Variants in TBCE observed in about 807,000 individuals in gnomAD.
The protein encoded by TBCE is tubulin-specific chaperone E.
TBCE carries 53 observed loss-of-function variants against 77.0 expected under a neutral mutation model. The ratio of observed to expected loss-of-function variants is 0.69; its 90% confidence interval spans 0.55 to 0.87. The LOEUF (loss-of-function observed/expected upper bound fraction) is 0.87. Among genes scored for constraint, TBCE ranks in the 40% least tolerant of loss-of-function variants. TBCE has a pLI of 0.00. For synonymous variants in TBCE, 235 were observed against 241.3 expected (o/e 0.97, Z 0.24); for missense variants, 624 against 622.4 (o/e 1.00, Z -0.03).
At chr1:235,448,036 C>T (rs1572465589) in intron 15 of TBCE, among the ~76,000 whole-genome samples, 2 of 151,988 alleles carry the variant, frequency 1.3e-5, no homozygotes, top group Admixed American at 1.3e-4. Flanking sequence ...TGGTGAAACC[C>T]CGTCTCTACT....
chr1:235,397,936 AG>A (rs1678841649), intron 2 of TBCE, among the ~76,000 whole-genome samples: 1 of 152,094 alleles, frequency 6.6e-6, no homozygotes, highest in Admixed American at 6.6e-5. Context: ...CCAGGGGAAA[AG>A]CTTGCTAAAC....
At chr1:235,406,512 A>C (rs569728856) in intron 3 of TBCE, among the ~76,000 whole-genome samples, 40 of 152,324 alleles carry the variant, frequency 2.6e-4, no homozygotes, top group Non-Finnish European at 5.0e-4. Flanking sequence ...CAAAGAACAA[A>C]GAACAAAGAG....
chr1:235,445,205 CCT>C (rs370048957), intron 15 of TBCE, among the ~76,000 whole-genome samples: 27 of 151,908 alleles, frequency 1.8e-4, no homozygotes, highest in Admixed American at 5.2e-4. Flanking sequence ...CTTTTTTTCC[CCT>C]TTTTTATTTG....
chr1:235,411,889 T>C (rs1679800543), intron 3 of TBCE, among the ~76,000 whole-genome samples: 1 of 151,954 alleles, frequency 6.6e-6, no homozygotes, highest in Non-Finnish European at 1.5e-5. Context: ...GGGTAGGCTG[T>C]GCTCACTTGC....
chr1:235,403,614 A>G (rs753844698), intron 3 of TBCE, among the ~76,000 whole-genome samples: 5 of 152,162 alleles, frequency 3.3e-5, no homozygotes, highest in Non-Finnish European at 7.3e-5. Context: ...GGATACAGTG[A>G]TATTTTCAAA....
intron 1 of TBCE, among the ~76,000 whole-genome samples, chr1:235,370,535 G>A (rs779064172): frequency 2.0e-5 from 3 of 149,284 alleles, no homozygotes; most frequent in South Asian, 2.1e-4. Context: ...ACAGGCGTGA[G>A]CCACTGCACC....
At chr1:235,405,885 G>T (rs1393898385) in intron 3 of TBCE, among the ~76,000 whole-genome samples, 1 of 152,048 alleles carries the variant, frequency 6.6e-6, no homozygotes. Context: ...TAGGAGATAG[G>T]ATTTTTTCAG....
At chr1:235,434,604 T>C (rs535304439) in intron 8 of TBCE, among the ~76,000 whole-genome samples, 324 of 150,810 alleles carry the variant, frequency 2.1e-3, no homozygotes, top group African/African-American at 7.7e-3. Flanking sequence ...AGTGGCGATC[T>C]TGGCTCACTG....
At chr1:235,382,426 C>T (rs961899391) in intron 2 of TBCE, among the ~76,000 whole-genome samples, 1 of 152,138 alleles carries the variant, frequency 6.6e-6, no homozygotes, top group Admixed American at 6.6e-5. Flanking sequence ...TTGACAGTCC[C>T]ACCAACAGTG....
At position 235,374,626 on chromosome 1, in the gene TBCE, T is replaced by C. The variant is rs879482439; in HGVS notation, c.-31-5393T>C. Among the ~76,000 whole-genome samples the C allele has an allele frequency of 7.0e-5, 10 of 143,680 alleles. 2 individuals carry two copies. The highest frequency in any genetic ancestry group is 1.1e-4 in the African/African-American group (4 of 36,878). The allele number at this position is 143,680 out of a possible 152,430, so 94.3% of individuals were successfully genotyped here. ...AGTGATTCTCCTGCCTCAGCCTCCC[T>C]AGGAGCTGGGATTACAGGTATCCGC... is the stretch of plus-strand genomic sequence containing the variant. On this transcript the variant is annotated intron_variant, in intron 1 of 16. Coordinates refer to ENST00000642610, the MANE Select transcript of TBCE (RefSeq NM_003193.5).
chr1:235,422,086 A>G (rs552186180), intron 5 of TBCE, among the ~76,000 whole-genome samples: 3 of 152,332 alleles, frequency 2.0e-5, no homozygotes, highest in Admixed American at 1.3e-4. Context: ...ATATGAGGTC[A>G]TTTTCAAAAG....
rs909435482 is a variant in TBCE at position 235,431,353 on chromosome 1, A to G, written c.660+549A>G. Among the ~76,000 whole-genome samples the G allele has an allele frequency of 3.3e-5, 5 of 149,318 alleles. No homozygotes were observed. The South Asian group carries it at 1.0e-3, about 31-fold the overall frequency. ...TGTACTGACTTCACACACCCAGAGC[A>G]TTCCACTTTCTTTTTTTTTTTTTTT... is the stretch of plus-strand genomic sequence containing the variant. On this transcript the variant is annotated intron_variant, in intron 7 of 16. Transcript: ENST00000642610.
At position 235,435,811 on chromosome 1, in the gene TBCE, T is replaced by C; in HGVS notation, c.804T>C (p.Asn268=). 1.2e-6 allele frequency: 2 copies of C among 1,614,144 alleles called. No individual in the cohort carries two copies. The highest frequency in any genetic ancestry group is 1.7e-6 in the Non-Finnish European group (2 of 1,180,018). Residue 268 remains asparagine, a synonymous_variant, in exon 9 of 17, where the codon AAT becomes AAC. Transcript: ENST00000642610. The part of the protein sequence containing the change: ...DLSSNQLIDE[N]QLYLIAHLPR... ...CCTCTAATCAATTAATTGATGAAAA[T>C]CAGCTGTATCTGATAGCCCACCTGC...
chr1:235,383,995 A>T (rs1358453845), intron 2 of TBCE, among the ~76,000 whole-genome samples: 1 of 152,078 alleles, frequency 6.6e-6, no homozygotes, highest in African/African-American at 2.4e-5. Context: ...TGTCCCATCA[A>T]TACCTAATTT....
chr1:235,432,812 A>G (rs1681179373), intron 7 of TBCE: 1 of 277,638 alleles, frequency 3.6e-6, no homozygotes, highest in African/African-American at 2.3e-5. Flanking sequence ...ACTTGAGGCC[A>G]GGAGTTCAAG....
At chr1:235,375,046 G>A (rs933292179) in intron 1 of TBCE, among the ~76,000 whole-genome samples, 9 of 145,756 alleles carry the variant, frequency 6.2e-5, no homozygotes, top group South Asian at 2.2e-4. Flanking sequence ...TCAGCCTCCC[G>A]AGTAGCTGGG....
intron 14 of TBCE, 120 bp from the exon 15 acceptor site, chr1:235,442,732 T>C: frequency 1.1e-6 from 1 of 901,002 alleles, no homozygotes; most frequent in African/African-American, 1.7e-5. Flanking sequence ...TAAACATTGA[T>C]TAGACCTGCC....
At chr1:235,448,311 T>A (rs1682596352) in intron 15 of TBCE, 38 bp from the exon 16 acceptor site, 1 of 1,576,356 alleles carries the variant, frequency 6.3e-7, no homozygotes, top group Admixed American at 1.7e-5. Context: ...GTAACTGTCA[T>A]TTGAGAGAAC....
rs374346442 is a variant in TBCE at position 235,405,077 on chromosome 1, C to T, written c.185+3490C>T. Among the ~76,000 whole-genome samples, 34 of 151,884 alleles carry T rather than the reference C, an allele frequency of 2.2e-4. 1 individual carries two copies. Among genetic ancestry groups the T allele is most frequent in the African/African-American group, 7.7e-4 (32 of 41,434 alleles). On this transcript the variant is annotated intron_variant, in intron 3 of 16. Coordinates refer to ENST00000642610, the MANE Select transcript of TBCE (RefSeq NM_003193.5). ...TCCCAGGTTCAAGTGATTCTCCTGC[C>T]TCAGTCTTCCGAGTAGCTGGGACTA... is the stretch of plus-strand genomic sequence containing the variant.
Sources: allele counts gnomAD v4.1 joint callset (sites outside exome capture counted in the v4.1 genomes callset), GRCh38; gene constraint gnomAD v4.1.1; transcripts MANE v1.5; gene names NCBI Gene and HGNC (gene_info 2026-07-23, HGNC 2026-07-21).